TRERF1: variants seen among roughly 807,000 people sequenced by gnomAD.
TRERF1 encodes transcriptional regulating factor 1, also known as transcriptional-regulating factor 1.
A neutral mutation model predicts 122.9 loss-of-function variants in TRERF1; 27 were observed. The observed-to-expected ratio is 0.22, with a 90% confidence interval of 0.16 to 0.30. The LOEUF is 0.30. Ranked by LOEUF, TRERF1 falls within the 10% of genes least tolerant of loss-of-function variation. TRERF1 has a pLI of 1.00. For missense variants in TRERF1, 1,248 were observed against 1,560.3 expected (o/e 0.80, Z 3.37); for synonymous variants, 636 against 641.7 (o/e 0.99, Z 0.13).
chr6:42,450,886 C>A (rs1788357549), intron 2 of TRERF1, among the ~76,000 whole-genome samples: 1 of 152,194 alleles, frequency 6.6e-6, no homozygotes, highest in African/African-American at 2.4e-5. Context: ...AGAATGAAGC[C>A]TTTATAACAT....
chr6:42,420,383 C>T (rs917402597), intron 2 of TRERF1, among the ~76,000 whole-genome samples: 2 of 152,162 alleles, frequency 1.3e-5, no homozygotes, highest in African/African-American at 4.8e-5. Flanking sequence ...CCACAAAGAA[C>T]CCATCCACCA....
At chr6:42,272,976 T>A (rs903618381) in intron 4 of TRERF1, among the ~76,000 whole-genome samples, 1 of 152,104 alleles carries the variant, frequency 6.6e-6, no homozygotes, top group Non-Finnish European at 1.5e-5. Flanking sequence ...GAGAGCTCTT[T>A]CCTTGAACCT....
intron 2 of TRERF1, among the ~76,000 whole-genome samples, chr6:42,400,373 T>C (rs1177601340): frequency 6.6e-6 from 1 of 152,118 alleles, no homozygotes; most frequent in Non-Finnish European, 1.5e-5. Context: ...AGCTAGATAA[T>C]AACAAATATA....
chr6:42,397,581 C>A (rs1409940725), intron 2 of TRERF1, among the ~76,000 whole-genome samples: 1 of 152,156 alleles, frequency 6.6e-6, no homozygotes, highest in Non-Finnish European at 1.5e-5. Flanking sequence ...TCCTATTCAG[C>A]CACCACTCCT....
intron 3 of TRERF1, among the ~76,000 whole-genome samples, chr6:42,305,991 TCTC>T (rs1391714975): frequency 3.1e-5 from 4 of 130,140 alleles, no homozygotes; most frequent in Non-Finnish European, 6.5e-5. Context: ...TCCAAATATC[TCTC>T]CTTTTTTTTT....
At chr6:42,368,434 G>A (rs572094572) in intron 2 of TRERF1, among the ~76,000 whole-genome samples, 1 of 152,198 alleles carries the variant, frequency 6.6e-6, no homozygotes, top group Non-Finnish European at 1.5e-5. Flanking sequence ...GACTCATTTA[G>A]GAAGAGACAA....
Position 42,259,304 on chromosome 6 carries a change from C to T in TRERF1, c.2269+35G>A, listed in dbSNP as rs772825699. On this transcript the variant is annotated intron_variant, in intron 9 of 17. Coordinates refer to ENST00000372922, the Ensembl canonical transcript of TRERF1. The surrounding 1 kb of genome is among the most constrained non-coding windows in gnomAD (Gnocchi z 4.9). Reference sequence around the variant, plus strand: ...GATGTCCCAGGACTTTACCCAGCACCCAGAGCCCAGGAGGACGCTAAAGGG... The same window carrying T: ...GATGTCCCAGGACTTTACCCAGCACTCAGAGCCCAGGAGGACGCTAAAGGG... 3.4e-6 allele frequency: 5 copies of T among 1,483,842 alleles called. No individual in the cohort carries two copies. Among genetic ancestry groups the T allele is most frequent in the Non-Finnish European group, 3.6e-6 (4 of 1,126,006 alleles). 91.9% of individuals were successfully genotyped at this position (1,483,842 alleles called of 1,614,324 possible). A position where few individuals can be genotyped will look rare whatever the true frequency, so the allele number is the denominator to read the frequency against.
chr6:42,311,546 C>G (rs1026698392), intron 3 of TRERF1, among the ~76,000 whole-genome samples: 4 of 151,870 alleles, frequency 2.6e-5, no homozygotes, highest in Non-Finnish European at 5.9e-5. Context: ...GGGTGGATCA[C>G]AAGGTCAGGA....
chr6:42,366,715 A>G (rs1457922943), intron 2 of TRERF1, among the ~76,000 whole-genome samples: 1 of 152,168 alleles, frequency 6.6e-6, no homozygotes, highest in African/African-American at 2.4e-5. Context: ...AAGCAGGAAA[A>G]AGAATATTCT....
chr6:42,354,321 C>T (rs1357966553), intron 3 of TRERF1, among the ~76,000 whole-genome samples: 1 of 151,160 alleles, frequency 6.6e-6, no homozygotes, highest in Non-Finnish European at 1.5e-5. Context: ...TTAATTTGAG[C>T]ACTTTGCAGT....
At chr6:42,419,761 G>A (rs4711718) in intron 2 of TRERF1, among the ~76,000 whole-genome samples, 1,952 of 152,284 alleles carry the variant, frequency 0.013, 33 homozygotes, top group East Asian at 0.089. Context: ...GCTCTGGAAG[G>A]AAACAAGGCT....
intron 3 of TRERF1, among the ~76,000 whole-genome samples, chr6:42,312,711 C>T (rs1761887047): frequency 6.6e-6 from 1 of 152,176 alleles, no homozygotes; most frequent in South Asian, 2.1e-4. Context: ...TTTGGCTTTA[C>T]CCATGGAAAG....
At chr6:42,408,239 ATG>A (rs1562152595) in intron 2 of TRERF1, among the ~76,000 whole-genome samples, 19 of 100,452 alleles carry the variant, frequency 1.9e-4, no homozygotes, top group South Asian at 3.3e-4. Context: ...GTGTGTGTGT[ATG>A]TATATATACA....
chr6:42,269,706 C>A lies in TRERF1; in HGVS notation c.-116G>T. 1 of 1,461,878 alleles carries A rather than the reference C, an allele frequency of 6.8e-7. No homozygotes were observed. The highest frequency in any genetic ancestry group is 1.4e-5 in the South Asian group (1 of 70,432). 90.6% of individuals were successfully genotyped at this position (1,461,878 alleles called of 1,614,324 possible). On this transcript the variant is annotated 5_prime_UTR_variant, in exon 5 of 18. Transcript: ENST00000372922. This position sits in a 1 kb window ranked among gnomAD's most constrained non-coding sequence, Gnocchi z 4.9. The stretch of plus-strand genomic sequence containing the variant: ...AGAGAAAAGTGTCAGCACTACTCCA[C>A]GGCTGACATGTCTGTGAACGTGGCT...
rs1770901593 is a variant in TRERF1 at position 42,232,943 on chromosome 6, A to T, written c.3067-51T>A. On this transcript the variant is annotated intron_variant, in intron 16 of 17. Transcript: ENST00000372922. This position sits in a 1 kb window ranked among gnomAD's most constrained non-coding sequence, Gnocchi z 4.5. ...CATCTACAGTCCTGAAAAGGAAATT[A>T]GGGTTATTAGTTACTCAGTGGTAAA... 1 of 1,513,642 alleles carries T rather than the reference A, an allele frequency of 6.6e-7. No homozygotes were observed. The highest frequency in any genetic ancestry group is 8.9e-7 in the Non-Finnish European group (1 of 1,124,056). 93.8% of individuals were successfully genotyped at this position (1,513,642 alleles called of 1,614,324 possible). A position where few individuals can be genotyped will look rare whatever the true frequency, so the allele number is the denominator to read the frequency against.
chr6:42,267,850 T>C (rs1450166357), intron 5 of TRERF1, among the ~76,000 whole-genome samples: 3 of 152,140 alleles, frequency 2.0e-5, no homozygotes, highest in Non-Finnish European at 4.4e-5. Context: ...ACACCAACAC[T>C]GTGTGGTCCC....
intron 2 of TRERF1, among the ~76,000 whole-genome samples, chr6:42,430,263 T>A (rs1413999865): frequency 1.3e-5 from 2 of 152,076 alleles, no homozygotes. Flanking sequence ...TGATATCATT[T>A]AATAAATATG....
At chr6:42,224,979 G>C (rs1317322344), downstream of TRERF1, 7 of 152,116 alleles carry the variant, frequency 4.6e-5, no homozygotes, top group African/African-American at 9.7e-5. Context: ...ATGCAATATT[G>C]AATCAGGTTT....
chr6:42,265,062 G>C (rs1040848368), intron 6 of TRERF1, among the ~76,000 whole-genome samples: 1 of 152,148 alleles, frequency 6.6e-6, no homozygotes, highest in Admixed American at 6.5e-5. Context: ...GTGGGAAAAG[G>C]CCTTCTCAAA....
Sources: gnomAD v4.1 joint callset for allele counts (sites outside exome capture counted in the v4.1 genomes callset) on GRCh38, gnomAD v4.1.1 for gene constraint, Gnocchi (gnomAD v3.1) non-coding constraint, MANE v1.5 for transcripts, NCBI Gene and HGNC (gene_info 2026-07-23, HGNC 2026-07-21) for gene names.